CDH12: variants seen among roughly 807,000 people sequenced by gnomAD.
CDH12 encodes cadherin 12.
CDH12 carries 41 observed loss-of-function variants against 74.1 expected under a neutral mutation model. That is an observed-to-expected ratio of 0.55 (90% CI 0.43 to 0.72). The LOEUF (loss-of-function observed/expected upper bound fraction) is 0.72, where lower values mean the gene tolerates loss of function less well. CDH12 is among the 30% of genes least tolerant of loss of function. The pLI is 0.00. For synonymous variants in CDH12, 399 were observed against 355.0 expected, an observed-to-expected ratio of 1.12 and a Z score of -1.39; for missense variants, 945 against 977.2, an observed-to-expected ratio of 0.97 and a Z score of 0.44.
At chr5:22,752,650 C>T (rs1377025449) in intron 1 of CDH12, among the ~76,000 whole-genome samples, 1 of 45,252 alleles carries the variant, frequency 2.2e-5, no homozygotes, top group Non-Finnish European at 4.5e-5. Flanking sequence ...CCTCTCACTG[C>T]AAGCTCCGCC....
chr5:22,187,762 C>A (rs1314797169), intron 4 of CDH12, among the ~76,000 whole-genome samples: 1 of 151,838 alleles, frequency 6.6e-6, no homozygotes, highest in African/African-American at 2.4e-5. Context: ...CAGTGCCAAG[C>A]TTTATCACTT....
rs193039978 is a variant in CDH12 at position 22,293,205 on chromosome 5, C to T, written c.-332-80562G>A. Among the ~76,000 whole-genome samples the T allele has an allele frequency of 2.8e-3, 423 of 152,282 alleles. 3 individuals are homozygous for T. The highest frequency in any genetic ancestry group is 4.0e-3 in the Non-Finnish European group (275 of 68,024). ...GCAATTGGGATCAGCTTAGATTGTG[C>T]GGTCTGACCCCAGCCAACGGGGACC... On this transcript the variant is annotated intron_variant, in intron 3 of 14. Transcript: ENST00000382254.
intron 6 of CDH12, among the ~76,000 whole-genome samples, chr5:21,974,622 C>A (rs1756984482): frequency 6.6e-6 from 1 of 152,152 alleles, no homozygotes; most frequent in South Asian, 2.1e-4. Context: ...TATTACCCTT[C>A]CAGAATCTCT....
chr5:22,651,928 C>T (rs991470421), intron 1 of CDH12, among the ~76,000 whole-genome samples: 1 of 151,920 alleles, frequency 6.6e-6, no homozygotes, highest in Non-Finnish European at 1.5e-5. Context: ...CAGGAAAACC[C>T]CCCTCGGACA....
chr5:22,105,036 T>C (rs1170033454), intron 4 of CDH12, among the ~76,000 whole-genome samples: 3 of 152,086 alleles, frequency 2.0e-5, no homozygotes, highest in Non-Finnish European at 4.4e-5. Flanking sequence ...ATGCTCCCTG[T>C]GACTTCACAT....
intron 1 of CDH12, among the ~76,000 whole-genome samples, chr5:22,570,041 T>G (rs1216772497): frequency 6.7e-6 from 1 of 149,080 alleles, no homozygotes; most frequent in Non-Finnish European, 1.5e-5. Context: ...TTCGTTTTAT[T>G]TATTTATTTA....
At chr5:22,704,850 G>C (rs1017483429) in intron 1 of CDH12, among the ~76,000 whole-genome samples, 20 of 151,700 alleles carry the variant, frequency 1.3e-4, no homozygotes, top group Admixed American at 2.6e-4. Flanking sequence ...ATTATGATTT[G>C]TTTTCTTTTG....
intron 2 of CDH12, among the ~76,000 whole-genome samples, chr5:22,414,805 A>G (rs1044518879): frequency 6.6e-6 from 1 of 151,968 alleles, no homozygotes; most frequent in African/African-American, 2.4e-5. Flanking sequence ...TTCTAATGAT[A>G]AAAATTTTAA....
chr5:22,288,063 C>G (rs1033556592), intron 3 of CDH12, among the ~76,000 whole-genome samples: 1 of 152,052 alleles, frequency 6.6e-6, no homozygotes, highest in Non-Finnish European at 1.5e-5. Context: ...CCTCTGCTGC[C>G]CTTAAATATA....
intron 4 of CDH12, among the ~76,000 whole-genome samples, chr5:22,190,358 G>GTCTATCTA (rs79679304): frequency 3.3e-3 from 398 of 119,876 alleles, no homozygotes; most frequent in East Asian, 0.012. Context: ...CTGTCTGTCT[G>GTCTATCTA]TCTATCTATC....
chr5:21,923,376 T>C (rs1231362274), intron 6 of CDH12, among the ~76,000 whole-genome samples: 1 of 152,118 alleles, frequency 6.6e-6, no homozygotes, highest in African/African-American at 2.4e-5. Flanking sequence ...TAATTAACTT[T>C]TATTGAACCC....
At chr5:22,063,558 C>T (rs952746701) in intron 5 of CDH12, among the ~76,000 whole-genome samples, 4 of 151,968 alleles carry the variant, frequency 2.6e-5, no homozygotes, top group Non-Finnish European at 4.4e-5. Context: ...TAAACCAGTA[C>T]TTCTTTCTTT....
intron 5 of CDH12, among the ~76,000 whole-genome samples, chr5:22,000,203 T>C (rs922036818): frequency 1.2e-4 from 19 of 152,146 alleles, no homozygotes; most frequent in African/African-American, 4.6e-4. Context: ...CTTAAGCTAG[T>C]CTCTTGCCTT....
intron 1 of CDH12, among the ~76,000 whole-genome samples, chr5:22,507,411 T>C (rs996307668): frequency 4.0e-5 from 6 of 150,716 alleles, no homozygotes; most frequent in African/African-American, 1.5e-4. Flanking sequence ...TACAGCTAAA[T>C]AGTAGTCAGA....
chr5:21,760,553 C>T lies in CDH12; in HGVS notation c.1633+5G>A. On this transcript the variant is annotated splice_donor_5th_base_variant and intron_variant, in intron 13 of 14. Transcript: ENST00000382254. ...AGAGGTAAATTTTTCTGTAGTTACA[C>T]TTACTTCTGAAGTCACGAACTGTAA... The T allele has an allele frequency of 7.0e-7, 1 of 1,437,996 alleles. No homozygotes were observed. Among genetic ancestry groups the T allele is most frequent in the Non-Finnish European group, 9.8e-7 (1 of 1,021,958 alleles). The allele number at this position is 1,437,996 out of a possible 1,614,324, so 89.1% of individuals were successfully genotyped here. A position where few individuals can be genotyped will look rare whatever the true frequency, so the allele number is the denominator to read the frequency against.
chr5:22,016,393 T>C (rs1284657524), intron 5 of CDH12, among the ~76,000 whole-genome samples: 2 of 151,896 alleles, frequency 1.3e-5, no homozygotes, highest in Admixed American at 6.6e-5. Context: ...TTATATAAGA[T>C]TTTTTTTGTT....
chr5:21,865,621 G>A (rs1751285177), intron 6 of CDH12, among the ~76,000 whole-genome samples: 1 of 152,116 alleles, frequency 6.6e-6, no homozygotes. Flanking sequence ...TGTCTCAAGT[G>A]GGCCCAGGGG....
rs1473250362 is a variant in CDH12, at chr5:21,760,619, G to A, written c.1572C>T (p.Phe524=). Residue 524 remains phenylalanine (F), a synonymous_variant, in exon 13 of 15, where the codon TTC becomes TTT. Transcript: ENST00000382254. The part of the protein sequence containing the change: ...DRDLSPAGQQ[F]SFRLSPEAAI... ...CAGCCTCAGGTGATAATCTAAAGGAGAATTGTTGCCCAGCAGGTGAAAGAT... is the reference window on the plus strand; with the variant it reads ...CAGCCTCAGGTGATAATCTAAAGGAAAATTGTTGCCCAGCAGGTGAAAGAT... 6.2e-7 allele frequency: 1 copy of A among 1,612,324 alleles called. No homozygotes were observed. The highest frequency in any genetic ancestry group is 8.5e-7 in the Non-Finnish European group (1 of 1,178,612).
chr5:21,866,605 A>G (rs1355906782), intron 6 of CDH12, among the ~76,000 whole-genome samples: 1 of 152,168 alleles, frequency 6.6e-6, no homozygotes, highest in African/African-American at 2.4e-5. Flanking sequence ...TCTAACCAGT[A>G]AAGTATTCAA....
Sources: gnomAD v4.1 joint callset for allele counts (sites outside exome capture counted in the v4.1 genomes callset) on GRCh38, gnomAD v4.1.1 for gene constraint, MANE v1.5 for transcripts, NCBI Gene and HGNC (gene_info 2026-07-23, HGNC 2026-07-21) for gene names.